NCAM2: variants seen among roughly 807,000 people sequenced by gnomAD.
NCAM2 encodes neural cell adhesion molecule 2.
In NCAM2, 30 loss-of-function variants were observed where a neutral mutation model predicts 98.1. The observed-to-expected ratio is 0.31, with a 90% CI of 0.23 to 0.41. NCAM2 has a LOEUF of 0.41. Among genes scored for constraint, NCAM2 ranks in the 10% least tolerant of loss-of-function variants. NCAM2 has a pLI of 1.00. For missense variants in NCAM2, 867 were observed against 1,005.8 expected, an observed-to-expected ratio of 0.86 and a Z score of 1.87; for synonymous variants, 368 against 342.4, an observed-to-expected ratio of 1.07 and a Z score of -0.83.
chr21:21,526,183 A>C (rs146361418), intron 16 of NCAM2, among the ~76,000 whole-genome samples: 2,317 of 152,194 alleles, frequency 0.015, 33 homozygotes, highest in Non-Finnish European at 0.024. Context: ...GAAGGAAGAA[A>C]TAAAACTCTC....
chr21:21,110,057 G>T (rs1044875527), intron 1 of NCAM2, among the ~76,000 whole-genome samples: 1 of 152,184 alleles, frequency 6.6e-6, no homozygotes, highest in African/African-American at 2.4e-5. Context: ...ACCATTCCAT[G>T]AAGGGGCCAG....
intron 9 of NCAM2, among the ~76,000 whole-genome samples, chr21:21,389,021 T>C (rs1384870298): frequency 6.6e-6 from 1 of 152,216 alleles, no homozygotes; most frequent in Non-Finnish European, 1.5e-5. Context: ...CAAATCTGGG[T>C]AACTGGGATA....
At chr21:21,116,435 G>A (rs570217164) in intron 1 of NCAM2, among the ~76,000 whole-genome samples, 2 of 152,272 alleles carry the variant, frequency 1.3e-5, no homozygotes, top group South Asian at 2.1e-4. Flanking sequence ...TATACCACAA[G>A]TAGATATGGC....
intron 11 of NCAM2, among the ~76,000 whole-genome samples, chr21:21,430,328 C>T (rs2077304604): frequency 6.8e-6 from 1 of 146,350 alleles, no homozygotes; most frequent in African/African-American, 2.5e-5. Flanking sequence ...TGCCCAGCCC[C>T]AATTTTATGT....
intron 9 of NCAM2, among the ~76,000 whole-genome samples, chr21:21,375,241 G>A (rs996086420): frequency 6.7e-6 from 1 of 150,006 alleles, no homozygotes; most frequent in Non-Finnish European, 1.5e-5. Context: ...AACACCCACT[G>A]ATATATTTGT....
At chr21:21,214,187 G>A (rs2069770659) in intron 1 of NCAM2, among the ~76,000 whole-genome samples, 1 of 152,068 alleles carries the variant, frequency 6.6e-6, no homozygotes, top group African/African-American at 2.4e-5. Flanking sequence ...ACTTATTTTT[G>A]TGTAGCTTTG....
At chr21:21,328,587 A>C (rs1202779807) in intron 6 of NCAM2, among the ~76,000 whole-genome samples, 1 of 151,974 alleles carries the variant, frequency 6.6e-6, no homozygotes, top group Non-Finnish European at 1.5e-5. Context: ...TTTAAAAAAA[A>C]AAAAAATTAG....
At position 21,231,931 on chromosome 21, in the gene NCAM2, A is replaced by G. The variant is rs1465006636; in HGVS notation, c.56-48647A>G. ...ACATAAACAGCATATGCTCAATACA[A>G]TGGCTTTTCTTGATATTTTACCATT... On this transcript the variant is annotated intron_variant, in intron 1 of 17. Coordinates refer to ENST00000400546, the MANE Select transcript of NCAM2 (RefSeq NM_004540.5). Among the ~76,000 whole-genome samples, 4 of 151,532 alleles carry G rather than the reference A, an allele frequency of 2.6e-5. 1 individual carries two copies. Among genetic ancestry groups the G allele is most frequent in the Admixed American group, 1.3e-4 (2 of 15,156 alleles).
chr21:21,297,658 C>G (rs150915459), intron 5 of NCAM2, among the ~76,000 whole-genome samples: 1 of 151,578 alleles, frequency 6.6e-6, no homozygotes, highest in Non-Finnish European at 1.5e-5. Flanking sequence ...AATATTGTCT[C>G]TCTTACTTTA....
chr21:21,049,524 CT>C lies in NCAM2; in HGVS notation c.55+50917del, dbSNP rs879770820. On this transcript the variant is annotated intron_variant, in intron 1 of 17. Coordinates refer to ENST00000400546, the MANE Select transcript of NCAM2 (RefSeq NM_004540.5). ...CAGCCACTGACTATCACACTGACTA[CT>C]TTTTTTTTTTAAATGTTACTATAAG... is the stretch of plus-strand genomic sequence containing the variant. Among the ~76,000 whole-genome samples, 404 of 147,038 alleles carry C rather than the reference CT, an allele frequency of 2.7e-3. 2 individuals are homozygous for C. Among genetic ancestry groups the C allele is most frequent in the Non-Finnish European group, 3.8e-3 (251 of 66,448 alleles).
chr21:21,381,309 C>T (rs1028204490), intron 9 of NCAM2, among the ~76,000 whole-genome samples: 1 of 152,156 alleles, frequency 6.6e-6, no homozygotes, highest in African/African-American at 2.4e-5. Flanking sequence ...AATTTGCCAT[C>T]CACTGGTTTA....
At chr21:21,348,221 C>A (rs1366888335) in intron 8 of NCAM2, among the ~76,000 whole-genome samples, 1 of 152,032 alleles carries the variant, frequency 6.6e-6, no homozygotes, top group African/African-American at 2.4e-5. Flanking sequence ...AACCTAGAGA[C>A]TTCACAAGAA....
intron 1 of NCAM2, chr21:21,223,148 C>T (rs924860133): frequency 6.6e-6 from 1 of 152,140 alleles, no homozygotes; most frequent in African/African-American, 2.4e-5. Context: ...TTACTATTTA[C>T]TAAACTGCCT....
intron 4 of NCAM2, among the ~76,000 whole-genome samples, chr21:21,287,126 C>T (rs979733337): frequency 6.6e-6 from 1 of 151,874 alleles, no homozygotes; most frequent in African/African-American, 2.4e-5. Context: ...ACATTATGTT[C>T]CTTTACCATG....
intron 1 of NCAM2, among the ~76,000 whole-genome samples, chr21:21,038,309 TTTA>T (rs2064837599): frequency 6.6e-6 from 1 of 152,220 alleles, no homozygotes; most frequent in African/African-American, 2.4e-5. Flanking sequence ...TTTAAAATGT[TTTA>T]TTCTATGAAA....
At chr21:21,086,773 G>T (rs1280126466) in intron 1 of NCAM2, among the ~76,000 whole-genome samples, 3 of 152,090 alleles carry the variant, frequency 2.0e-5, no homozygotes, top group Non-Finnish European at 2.9e-5. Context: ...GGCCAAACTT[G>T]TATTTGTGTG....
intron 12 of NCAM2, among the ~76,000 whole-genome samples, chr21:21,436,537 C>T (rs796145048): frequency 6.6e-6 from 1 of 152,014 alleles, no homozygotes; most frequent in Non-Finnish European, 1.5e-5. Context: ...TACATTATAA[C>T]TCTGAAGGAT....
intron 15 of NCAM2, among the ~76,000 whole-genome samples, chr21:21,503,052 T>C (rs945330737): frequency 6.6e-6 from 1 of 151,922 alleles, no homozygotes. Context: ...TGGACAAATA[T>C]TTTAATATTG....
intron 1 of NCAM2, among the ~76,000 whole-genome samples, chr21:21,004,400 G>C (rs2064074665): frequency 1.3e-5 from 2 of 152,216 alleles, no homozygotes; most frequent in Middle Eastern, 3.4e-3. Context: ...ACAGAAGAAT[G>C]ATCCGATTTG....
Sources: gnomAD v4.1 joint callset for allele counts (sites outside exome capture counted in the v4.1 genomes callset) on GRCh38, gnomAD v4.1.1 for gene constraint, MANE v1.5 for transcripts, NCBI Gene and HGNC (gene_info 2026-07-23, HGNC 2026-07-21) for gene names.